DEFB112: variants seen among roughly 807,000 people sequenced by gnomAD.
The protein encoded by DEFB112 is defensin beta 112.
A neutral mutation model predicts 1.1 loss-of-function variants in DEFB112; 2 were observed. That is an observed-to-expected ratio of 1.85 (90% confidence interval 0.76 to 5.83). DEFB112 has a LOEUF of 5.83. DEFB112 is among the 30% of genes most tolerant of loss of function. DEFB112 has a pLI of 0.05. For synonymous variants in DEFB112, 40 were observed against 31.2 expected (o/e 1.28, Z -0.93); for missense variants, 120 against 94.4 (o/e 1.27, Z -1.12).
chr6:50,046,157 T>G (rs1158094734), intron 1 of DEFB112, among the ~76,000 whole-genome samples: 2 of 151,968 alleles, frequency 1.3e-5, no homozygotes, highest in East Asian at 1.9e-4. Context: ...CCACTTTCAA[T>G]TGATGATATT....
At chr6:50,046,651 A>T (rs1172921890) in intron 1 of DEFB112, among the ~76,000 whole-genome samples, 1 of 151,704 alleles carries the variant, frequency 6.6e-6, no homozygotes, top group East Asian at 1.9e-4. Context: ...TTTCTGCTGA[A>T]TTACCTAGCA....
chr6:50,047,220 C>T (rs971548739), intron 1 of DEFB112, among the ~76,000 whole-genome samples: 1 of 152,182 alleles, frequency 6.6e-6, no homozygotes, highest in Non-Finnish European at 1.5e-5. Context: ...TGGCCTAGAG[C>T]CAGAGGCTGT....
rs188486434 is a variant in DEFB112 at position 50,043,117 on chromosome 6, C to T, written c.*458G>A. 9.3e-4 allele frequency among the ~76,000 whole-genome samples: 141 copies of T among 151,828 alleles called. 3 individuals are homozygous for T. The East Asian group carries it at 0.024, about 26-fold the overall frequency. ...TCAAAAAAGAGAGAAAAAGTATAAC[C>T]AGGAAGTATAAGCAATATGAGAAAG... On this transcript the variant is annotated 3_prime_UTR_variant, in exon 2 of 2. Coordinates refer to ENST00000651554, the MANE Select transcript of DEFB112 (RefSeq NM_001369057.2).
At position 50,048,777 on chromosome 6, in the gene DEFB112, T is replaced by C. The variant is rs939748893; in HGVS notation, c.58+1035A>G. The C allele has an allele frequency of 1.1e-4, 68 of 608,520 alleles. No homozygotes were observed. In the Admixed American group the frequency reaches 1.3e-3, roughly 12 times the overall value. The allele number at this position is 608,520 out of a possible 1,614,324, so 37.7% of individuals were successfully genotyped here. On this transcript the variant is annotated intron_variant, in intron 1 of 1. Transcript: ENST00000651554. Reference sequence around the variant, plus strand: ...GCCTCTATTTAATGGTCCTATATATTATAAAAGGTTTTACAAAATGATAAA... The same window carrying C: ...GCCTCTATTTAATGGTCCTATATATCATAAAAGGTTTTACAAAATGATAAA...
At chr6:50,045,977 A>G (rs116373480) in intron 1 of DEFB112, among the ~76,000 whole-genome samples, 1 of 152,112 alleles carries the variant, frequency 6.6e-6, no homozygotes, top group Non-Finnish European at 1.5e-5. Flanking sequence ...ATTCTGTTTT[A>G]TGCTTTTAGT....
chr6:50,046,893 G>A (rs185732270), intron 1 of DEFB112, among the ~76,000 whole-genome samples: 43 of 152,282 alleles, frequency 2.8e-4, no homozygotes, highest in African/African-American at 9.1e-4. Flanking sequence ...GGTGAGCCTA[G>A]GGTTACATGA....
rs1774772333 is a variant in DEFB112, at chr6:50,043,098, A to G, written c.*477T>C. 6.6e-6 allele frequency among the ~76,000 whole-genome samples: 1 copy of G among 152,052 alleles called. No individual in the cohort carries two copies. Among genetic ancestry groups the G allele is most frequent in the East Asian group, 1.9e-4 (1 of 5,186 alleles). On this transcript the variant is annotated 3_prime_UTR_variant, in exon 2 of 2. Coordinates refer to ENST00000651554, the MANE Select transcript of DEFB112 (RefSeq NM_001369057.2). ...TTTTATTTTCATAATTCTTTCAAAAAAGAGAGAAAAAGTATAACCAGGAAG... is the reference window on the plus strand; with the variant it reads ...TTTTATTTTCATAATTCTTTCAAAAGAGAGAGAAAAAGTATAACCAGGAAG...
At chr6:50,046,399 T>C (rs760409166) in intron 1 of DEFB112, among the ~76,000 whole-genome samples, 5 of 152,180 alleles carry the variant, frequency 3.3e-5, no homozygotes, top group Non-Finnish European at 7.3e-5. Context: ...ATAAACTTTA[T>C]ATGATCATAT....
intron 1 of DEFB112, chr6:50,048,650 ATAAGAGTGC>A: frequency 6.2e-7 from 1 of 1,605,770 alleles, no homozygotes; most frequent in South Asian, 1.1e-5. Flanking sequence ...CAATAATTTC[ATAAGAGTGC>A]TAAGAGGTTG....
rs1347146851 is a variant in DEFB112 at position 50,042,873 on chromosome 6, G to A, written c.*702C>T. On this transcript the variant is annotated 3_prime_UTR_variant, in exon 2 of 2. Coordinates refer to ENST00000651554, the MANE Select transcript of DEFB112 (RefSeq NM_001369057.2). ...AAATTTACTAAGACACCAATAAGTAGCATGATAAGAATCATCTGATAATAT... is the reference window on the plus strand; with the variant it reads ...AAATTTACTAAGACACCAATAAGTAACATGATAAGAATCATCTGATAATAT... Among the ~76,000 whole-genome samples the A allele has an allele frequency of 6.6e-6, 1 of 151,796 alleles. No individual in the cohort carries two copies. Among genetic ancestry groups the A allele is most frequent in the African/African-American group, 2.4e-5 (1 of 41,322 alleles).
intron 1 of DEFB112, among the ~76,000 whole-genome samples, chr6:50,045,239 G>A (rs1442492644): frequency 6.6e-6 from 1 of 152,016 alleles, no homozygotes; most frequent in Non-Finnish European, 1.5e-5. Flanking sequence ...CATATCACAA[G>A]GGGTATTTCC....
chr6:50,048,149 A>G (rs546589042), intron 1 of DEFB112, among the ~76,000 whole-genome samples: 1 of 149,182 alleles, frequency 6.7e-6, no homozygotes, highest in Non-Finnish European at 1.5e-5. Flanking sequence ...CTCCGTCTCA[A>G]AAAAAAAAAA....
At chr6:50,048,981 A>G (rs990795895) in intron 1 of DEFB112, among the ~76,000 whole-genome samples, 1 of 152,124 alleles carries the variant, frequency 6.6e-6, no homozygotes, top group Non-Finnish European at 1.5e-5. Flanking sequence ...TGAAATCTGT[A>G]TAATTCTTTG....
rs1774761123 is a variant in DEFB112 at position 50,042,524 on chromosome 6, A to T, written c.*1051T>A. 6.6e-6 allele frequency among the ~76,000 whole-genome samples: 1 copy of T among 152,082 alleles called. No individual in the cohort carries two copies. The highest frequency in any genetic ancestry group is 2.4e-5 in the African/African-American group (1 of 41,434). ...GGCCTTAGTCCACAGGTTGTAAGTC[A>T]CATAATAACCAAGGCTGCCAGCCAA... On this transcript the variant is annotated 3_prime_UTR_variant, in exon 2 of 2. Coordinates refer to ENST00000651554, the MANE Select transcript of DEFB112 (RefSeq NM_001369057.2).
rs539374567 is a variant in DEFB112, at chr6:50,048,696, ATTACT to A, written c.58+1111_58+1115del. 205 of 1,414,010 alleles carry A rather than the reference ATTACT, an allele frequency of 1.4e-4. 1 individual carries two copies. In the African/African-American group the frequency reaches 2.7e-3, roughly 19 times the overall value. The allele number at this position is 1,414,010 out of a possible 1,614,324, so 87.6% of individuals were successfully genotyped here. Reference sequence around the variant, plus strand: ...TAAGAGCTCACTGTAAAGTGAAAAAATTACTTTAAAAGTAGGAGGAAAAATATTTT... The same window carrying A: ...TAAGAGCTCACTGTAAAGTGAAAAAATTAAAAGTAGGAGGAAAAATATTTT... On this transcript the variant is annotated intron_variant, in intron 1 of 1. Transcript: ENST00000651554.
Position 50,043,583 on chromosome 6 carries a change from G to C in DEFB112, c.277C>G (p.Arg93Gly), listed in dbSNP as rs532132675. 6.2e-7 allele frequency: 1 copy of C among 1,611,726 alleles called. No homozygotes were observed. The highest frequency in any genetic ancestry group is 2.2e-5 in the East Asian group (1 of 44,850). ...GTQEWYPKDS[R>G]H ...CTTGTGCATGGATTTCTTCAATGAC[G>C]TGAGTCTTTAGGGTACCATTCTTGA... Residue 93 changes from arginine to glycine, a missense_variant, in exon 2 of 2, where the codon CGT becomes GGT. By Grantham distance (125) the Arg-to-Gly change is moderately radical. Transcript: ENST00000651554.
At position 50,047,044 on chromosome 6, in the gene DEFB112, G is replaced by T. The variant is rs567287906; in HGVS notation, c.58+2768C>A. Among the ~76,000 whole-genome samples the T allele has an allele frequency of 2.0e-5, 3 of 152,256 alleles. No homozygotes were observed. In the South Asian group the frequency reaches 6.2e-4, roughly 32 times the overall value. ...AAGCCTGAAACCTGGGGGTCAGCTT[G>T]GTGTTGGGGGGATCCAGAGCCCAGG... is the stretch of plus-strand genomic sequence containing the variant. On this transcript the variant is annotated intron_variant, in intron 1 of 1. Coordinates refer to ENST00000651554, the MANE Select transcript of DEFB112 (RefSeq NM_001369057.2).
rs1359650952 is a variant in DEFB112 at position 50,046,582 on chromosome 6, G to A, written c.59-2781C>T. Among the ~76,000 whole-genome samples, 6 of 152,156 alleles carry A rather than the reference G, an allele frequency of 3.9e-5. No individual in the cohort carries two copies. The South Asian group carries it at 1.0e-3, about 26-fold the overall frequency. On this transcript the variant is annotated intron_variant, in intron 1 of 1. Transcript: ENST00000651554. The stretch of plus-strand genomic sequence containing the variant: ...CATTTTCTTGATTGCAAGTGAGGAT[G>A]AGCACTTTAAAGAGGTTGTTTATTC...
At chr6:50,049,422 G>A (rs1242383630) in intron 1 of DEFB112, among the ~76,000 whole-genome samples, 1 of 151,888 alleles carries the variant, frequency 6.6e-6, no homozygotes, top group African/African-American at 2.4e-5. Context: ...TATCACTGTG[G>A]GGATCAATGA....
Sources: gnomAD v4.1 joint callset for allele counts (sites outside exome capture counted in the v4.1 genomes callset) on GRCh38, gnomAD v4.1.1 for gene constraint, MANE v1.5 for transcripts, NCBI Gene and HGNC (gene_info 2026-07-23, HGNC 2026-07-21) for gene names.